The following DOP1B variants were observed in gnomAD, a reference collection of about 807,000 sequenced individuals.
The protein encoded by DOP1B is DOP1 leucine zipper like protein B, also known as protein DOP1B.
Under a neutral mutation model 233.5 loss-of-function variants are expected in DOP1B, and 174 were observed. That is an observed-to-expected ratio of 0.75 (90% CI 0.66 to 0.85). The LOEUF (loss-of-function observed/expected upper bound fraction) is 0.85. DOP1B is among the 40% of genes least tolerant of loss of function. The pLI is 0.00. For synonymous variants in DOP1B, 1,190 were observed against 1,185.6 expected (o/e 1.00, Z -0.08); for missense variants, 2,652 against 2,846.6 (o/e 0.93, Z 1.56).
At chr21:36,224,024 A>C (rs577231742) in intron 11 of DOP1B, among the ~76,000 whole-genome samples, 36 of 152,238 alleles carry the variant, frequency 2.4e-4, no homozygotes, top group African/African-American at 8.2e-4. Context: ...AGCTGCTACC[A>C]CTACACTTTT....
chr21:36,242,689 G>T (rs2066905809), intron 18 of DOP1B, among the ~76,000 whole-genome samples: 1 of 152,090 alleles, frequency 6.6e-6, no homozygotes, highest in Non-Finnish European at 1.5e-5. Flanking sequence ...CCACAGAAAT[G>T]GTCTGCTACC....
At chr21:36,233,781 G>A (rs2066794202) in intron 15 of DOP1B, among the ~76,000 whole-genome samples, 1 of 152,168 alleles carries the variant, frequency 6.6e-6, no homozygotes, top group Admixed American at 6.6e-5. Flanking sequence ...ACACCGCTCA[G>A]CTTTGGTTCC....
chr21:36,225,614 A>G lies in DOP1B; in HGVS notation c.1420A>G (p.Thr474Ala), dbSNP rs1455803822. The G allele has an allele frequency of 1.2e-6, 2 of 1,613,430 alleles. No individual in the cohort carries two copies. Among genetic ancestry groups the G allele is most frequent in the African/African-American group, 1.3e-5 (1 of 74,712 alleles). The change falls in exon 12 of 37, where the codon ACG (threonine) becomes GCG (alanine). Residue 474 changes from threonine to alanine, a missense_variant. By Grantham distance (58) the Thr-to-Ala change is moderately conservative. Coordinates refer to ENST00000691173, the MANE Select transcript of DOP1B (RefSeq NM_001320714.2). Reference protein sequence around the residue: ...SVRNSVSPPPTVSELCALLVF... With the variant: ...SVRNSVSPPPAVSELCALLVF... Reference sequence around the variant, plus strand: ...GAGGAACAGCGTCAGCCCTCCCCCCACGGTCTCGGAGCTCTGCGCCCTCCT... The same window carrying G: ...GAGGAACAGCGTCAGCCCTCCCCCCGCGGTCTCGGAGCTCTGCGCCCTCCT...
At chr21:36,265,453 G>A (rs1244168136) in intron 26 of DOP1B, among the ~76,000 whole-genome samples, 1 of 152,124 alleles carries the variant, frequency 6.6e-6, no homozygotes, top group Non-Finnish European at 1.5e-5. Context: ...AAATTCCAGT[G>A]CCTCCTCCTT....
intron 27 of DOP1B, among the ~76,000 whole-genome samples, chr21:36,272,497 A>G (rs1319098697): frequency 1.3e-5 from 2 of 151,788 alleles, no homozygotes; most frequent in African/African-American, 4.8e-5. Flanking sequence ...TAAAAATACA[A>G]AAATTAGCCA....
chr21:36,218,982 A>G (rs1304017964), intron 9 of DOP1B, among the ~76,000 whole-genome samples: 1 of 152,202 alleles, frequency 6.6e-6, no homozygotes, highest in Non-Finnish European at 1.5e-5. Flanking sequence ...CACACTTAAC[A>G]CACGTAGTCT....
At chr21:36,285,336 A>G (rs969600596) in intron 32 of DOP1B, among the ~76,000 whole-genome samples, 1 of 152,254 alleles carries the variant, frequency 6.6e-6, no homozygotes. Flanking sequence ...CTGGGATTAC[A>G]GGCATGAGCC....
chr21:36,173,760 T>C (rs1293266781), intron 2 of DOP1B, among the ~76,000 whole-genome samples: 3 of 152,120 alleles, frequency 2.0e-5, no homozygotes, highest in Admixed American at 2.0e-4. Flanking sequence ...TTTTGAGCCC[T>C]GAACCCAGGT....
At chr21:36,203,683 A>G (rs2066397408) in intron 4 of DOP1B, among the ~76,000 whole-genome samples, 1 of 152,070 alleles carries the variant, frequency 6.6e-6, no homozygotes, top group Non-Finnish European at 1.5e-5. Flanking sequence ...GAAATTGCAA[A>G]GTGGTGAGTT....
chr21:36,171,837 G>C (rs1327789441), intron 2 of DOP1B, among the ~76,000 whole-genome samples: 1 of 152,222 alleles, frequency 6.6e-6, no homozygotes, highest in Non-Finnish European at 1.5e-5. Flanking sequence ...TAACACCTCA[G>C]TGCTGGGGAT....
rs1001743678 is a variant in DOP1B, at chr21:36,200,439, T to C, written c.429T>C (p.Ser143=). ...FLPLQKLLLP[S]LQAFIVGLLP... is the part of the protein sequence containing the mutation. The stretch of plus-strand genomic sequence containing the variant: ...CACTGCAGAAGCTGCTCCTGCCCAG[T>C]CTGCAGGCCTTCATCGTGGGCCTGC... Residue 143 remains serine (S), a synonymous_variant, in exon 4 of 37, where the codon AGT becomes AGC. Transcript: ENST00000691173. 1.9e-6 allele frequency: 3 copies of C among 1,613,378 alleles called. No individual in the cohort carries two copies. Among genetic ancestry groups the C allele is most frequent in the Non-Finnish European group, 2.5e-6 (3 of 1,180,022 alleles).
Position 36,245,024 on chromosome 21 carries a change from C to A in DOP1B, c.3068-24C>A. ...CATAGCTGACCCTTCTGTCTAAAGT[C>A]ATTTGTCATCTTGTAATTTTCAGAT... On this transcript the variant is annotated intron_variant, in intron 18 of 36. Transcript: ENST00000691173. This position sits in a 1 kb window ranked among gnomAD's most constrained non-coding sequence, Gnocchi z 5.5. 6 of 1,575,262 alleles carry A rather than the reference C, an allele frequency of 3.8e-6. No homozygotes were observed. The highest frequency in any genetic ancestry group is 3.5e-5 in the South Asian group (3 of 86,244).
chr21:36,232,486 C>A (rs990986775), intron 14 of DOP1B, among the ~76,000 whole-genome samples: 1 of 152,190 alleles, frequency 6.6e-6, no homozygotes, highest in Non-Finnish European at 1.5e-5. Context: ...CCTCACCTTG[C>A]AGCTGCATCA....
chr21:36,214,584 T>A, intron 9 of DOP1B, 28 bp downstream of exon 9: 1 of 1,575,686 alleles, frequency 6.3e-7, no homozygotes, highest in Non-Finnish European at 8.7e-7. Context: ...GCTTCTATCC[T>A]ATGCTGAATA....
At chr21:36,192,606 A>G (rs2066245312) in intron 2 of DOP1B, among the ~76,000 whole-genome samples, 1 of 151,700 alleles carries the variant, frequency 6.6e-6, no homozygotes, top group Non-Finnish European at 1.5e-5. Context: ...CTGGTCTCCA[A>G]TTCCTAGGCT....
rs1405422851 is a variant in DOP1B, at chr21:36,276,899, T to C, written c.5633-122T>C. ...TTAACAGAGAGGAATACCTGAGTCA[T>C]ATGGACACAATTGGTATGAAAGGCG... On this transcript the variant is annotated intron_variant, in intron 27 of 36. Coordinates refer to ENST00000691173, the MANE Select transcript of DOP1B (RefSeq NM_001320714.2). The C allele has an allele frequency of 1.2e-5, 10 of 803,474 alleles. No homozygotes were observed. The Admixed American group carries it at 2.2e-4, about 17-fold the overall frequency. The allele number at this position is 803,474 out of a possible 1,614,324, so 49.8% of individuals were successfully genotyped here.
chr21:36,289,223 C>A lies in DOP1B; in HGVS notation c.6515+17C>A. 6.2e-7 allele frequency: 1 copy of A among 1,602,990 alleles called. No homozygotes were observed. Among genetic ancestry groups the A allele is most frequent in the Non-Finnish European group, 8.5e-7 (1 of 1,177,254 alleles). ...ATTTCAAATGTAAGTCAGATAGGAT[C>A]GTGTGTCCTTTTTGAAGTAAGAGAT... On this transcript the variant is annotated intron_variant, in intron 35 of 36. Transcript: ENST00000691173.
At chr21:36,264,721 C>T (rs566580197) in intron 26 of DOP1B, among the ~76,000 whole-genome samples, 146 of 152,246 alleles carry the variant, frequency 9.6e-4, no homozygotes, top group African/African-American at 3.4e-3. Context: ...GATCCTCCTA[C>T]CTTGGCCTCC....
chr21:36,254,415 A>G (rs542969236), intron 23 of DOP1B, among the ~76,000 whole-genome samples: 1 of 152,266 alleles, frequency 6.6e-6, no homozygotes, highest in African/African-American at 2.4e-5. Flanking sequence ...GGGAAGGAGC[A>G]GGAAGTTTAA....
Sources: gnomAD v4.1 joint callset for allele counts (sites outside exome capture counted in the v4.1 genomes callset) on GRCh38, gnomAD v4.1.1 for gene constraint, Gnocchi (gnomAD v3.1) non-coding constraint, MANE v1.5 for transcripts, NCBI Gene and HGNC (gene_info 2026-07-23, HGNC 2026-07-21) for gene names.